STXBP3: variants seen among roughly 807,000 people sequenced by gnomAD.
STXBP3 encodes the protein syntaxin-binding protein 3.
STXBP3 carries 41 observed loss-of-function variants against 85.7 expected under a neutral mutation model. The ratio of observed to expected loss-of-function variants is 0.48; its 90% CI spans 0.37 to 0.62. The LOEUF is 0.62. Ranked by LOEUF, STXBP3 falls within the 20% of genes least tolerant of loss-of-function variation. The probability of loss-of-function intolerance (pLI) is 0.00; values close to 1 mark genes in which losing one functional copy is unlikely to be tolerated. For synonymous variants in STXBP3, 229 were observed against 231.7 expected, an observed-to-expected ratio of 0.99 and a Z score of 0.10; for missense variants, 563 against 703.1, an observed-to-expected ratio of 0.80 and a Z score of 2.25.
At chr1:108,789,114 C>T (rs972709468) in intron 11 of STXBP3, among the ~76,000 whole-genome samples, 2 of 152,068 alleles carry the variant, frequency 1.3e-5, no homozygotes, top group African/African-American at 4.8e-5. Context: ...TTTCAAAGAA[C>T]CAACATTTGT....
intron 17 of STXBP3, among the ~76,000 whole-genome samples, chr1:108,804,056 TTTTA>T (rs1240147678): frequency 5.9e-5 from 9 of 152,344 alleles, no homozygotes; most frequent in African/African-American, 2.2e-4. Flanking sequence ...GAGGATTTAT[TTTTA>T]TTTCTTTCTT....
chr1:108,772,905 T>A lies in STXBP3; in HGVS notation c.593+86T>A, dbSNP rs1264338091. The A allele has an allele frequency of 2.3e-6, 3 of 1,277,346 alleles. No individual in the cohort carries two copies. The African/African-American group carries it at 4.6e-5, about 20-fold the overall frequency. The allele number at this position is 1,277,346 out of a possible 1,614,324, so 79.1% of individuals were successfully genotyped here. On this transcript the variant is annotated intron_variant, in intron 7 of 18. Transcript: ENST00000370008. ...GTAATGTGTCTGTACCTTGGCATGT[T>A]GGTTTGCAAAATTTATTTTCTTTGT... is the stretch of plus-strand genomic sequence containing the variant.
At chr1:108,785,224 G>A (rs548464649) in intron 11 of STXBP3, among the ~76,000 whole-genome samples, 3 of 152,254 alleles carry the variant, frequency 2.0e-5, no homozygotes, top group African/African-American at 7.2e-5. Flanking sequence ...CTCCATGAGG[G>A]CTCCATCCCT....
At chr1:108,754,284 C>T (rs1345996024) in intron 3 of STXBP3, among the ~76,000 whole-genome samples, 1 of 152,118 alleles carries the variant, frequency 6.6e-6, no homozygotes, top group African/African-American at 2.4e-5. Context: ...AATCCACTTG[C>T]CTTGGCCTCC....
In STXBP3 at chr1:108,749,283, G is replaced by C. The variant is rs531920955; in HGVS notation, c.49+2497G>C. On this transcript the variant is annotated intron_variant, in intron 1 of 18. Coordinates refer to ENST00000370008, the MANE Select transcript of STXBP3 (RefSeq NM_007269.4). ...TAATACTTAGAGAAATAAGTCTAGAGTAGTTTTCAGGGTGCTGTAATCTCA... is the reference window on the plus strand; with the variant it reads ...TAATACTTAGAGAAATAAGTCTAGACTAGTTTTCAGGGTGCTGTAATCTCA... 3.3e-5 allele frequency among the ~76,000 whole-genome samples: 5 copies of C among 152,326 alleles called. No individual in the cohort carries two copies. The South Asian group carries it at 1.0e-3, about 32-fold the overall frequency.
intron 6 of STXBP3, among the ~76,000 whole-genome samples, chr1:108,761,296 C>T (rs1461028921): frequency 2.7e-5 from 4 of 150,016 alleles, no homozygotes; most frequent in African/African-American, 9.9e-5. Context: ...CCAAAAGTTT[C>T]CTTTAAACTT....
chr1:108,782,321 G>C, intron 9 of STXBP3, 101 bp from the exon 10 acceptor site: 1 of 895,432 alleles, frequency 1.1e-6, no homozygotes. Flanking sequence ...TTACTTTTCA[G>C]TTTCTTGAGT....
intron 6 of STXBP3, chr1:108,767,500 A>G (rs745683384): frequency 1.4e-4 from 26 of 186,042 alleles, no homozygotes; most frequent in South Asian, 9.0e-4. Context: ...ATTGCCTCCA[A>G]CATGCCTCTC....
intron 17 of STXBP3, among the ~76,000 whole-genome samples, chr1:108,807,058 C>T (rs919234531): frequency 2.0e-5 from 3 of 151,940 alleles, no homozygotes; most frequent in Admixed American, 6.6e-5. Context: ...TCAAGACCAG[C>T]GTGGCCAACA....
chr1:108,798,323 T>TATGTATTGGGC, intron 16 of STXBP3, 86 bp downstream of exon 16: 1 of 1,081,858 alleles, frequency 9.2e-7, no homozygotes, highest in Non-Finnish European at 1.4e-6. Context: ...AGTCTGAGTA[T>TATGTATTGGGC]ATGTATTGGG....
At chr1:108,785,570 T>C (rs1054941318) in intron 11 of STXBP3, among the ~76,000 whole-genome samples, 5 of 152,314 alleles carry the variant, frequency 3.3e-5, no homozygotes, top group African/African-American at 1.2e-4. Flanking sequence ...TTTTCCCCGT[T>C]GTTTTGGTGA....
At chr1:108,796,814 G>C in intron 15 of STXBP3, 88 bp downstream of exon 15, 1 of 823,508 alleles carries the variant, frequency 1.2e-6, no homozygotes, top group East Asian at 3.1e-5. Flanking sequence ...TATGTGGACA[G>C]TCTTCTTAAG....
Position 108,776,379 on chromosome 1 carries a change from A to G in STXBP3, c.640A>G (p.Lys214Glu). Reference protein sequence around the residue: ...ASKLAQLVEKKLEDYYKIDEK... With the variant: ...ASKLAQLVEKELEDYYKIDEK... The stretch of plus-strand genomic sequence containing the variant: ...TAAGCTTGCACAGCTTGTTGAAAAA[A>G]AGCTTGAAGACTACTACAAGATTGA... The change falls in exon 8 of 19, where the codon AAG becomes GAG. Residue 214 changes from lysine to glutamate, a missense_variant. Lys to Glu is a moderately conservative substitution (Grantham distance 56, BLOSUM62 1). Transcript: ENST00000370008. 1.2e-6 allele frequency: 2 copies of G among 1,609,632 alleles called. No homozygotes were observed. Among genetic ancestry groups the G allele is most frequent in the Non-Finnish European group, 1.7e-6 (2 of 1,177,760 alleles).
chr1:108,767,934 G>T (rs1300920174), intron 6 of STXBP3, among the ~76,000 whole-genome samples: 1 of 152,130 alleles, frequency 6.6e-6, no homozygotes, highest in East Asian at 1.9e-4. Context: ...AAGAATGAGA[G>T]AATAATTTTC....
intron 11 of STXBP3, among the ~76,000 whole-genome samples, chr1:108,790,773 TATGTCCTGAATATGTC>T (rs1201948845): frequency 6.6e-5 from 10 of 152,152 alleles, no homozygotes; most frequent in Admixed American, 3.3e-4. Context: ...AGTTTAATAG[TATGTCCTGAATATGTC>T]ATGTCCTGAA....
At chr1:108,800,136 G>A (rs1663200962) in intron 16 of STXBP3, 84 bp from the exon 17 acceptor site, 1 of 905,440 alleles carries the variant, frequency 1.1e-6, no homozygotes, top group Admixed American at 1.8e-5. Flanking sequence ...TTCCTCAATT[G>A]CAAATGCAAG....
chr1:108,746,736 AG>A lies in STXBP3; in HGVS notation c.-1del. 1 of 1,550,054 alleles carries A rather than the reference AG, an allele frequency of 6.5e-7. No homozygotes were observed. The highest frequency in any genetic ancestry group is 2.5e-5 in the East Asian group (1 of 40,760). On this transcript the variant is annotated 5_prime_UTR_variant, in exon 1 of 19. Transcript: ENST00000370008. ...TGGCTGCTGCTCCGCAGTGTCGGGA[AG>A]ATGGCGCCGCCGGTGGCAGAGAGGG...
At position 108,756,783 on chromosome 1, in the gene STXBP3, C is replaced by T. The variant is rs200861224; in HGVS notation, c.258+17C>T. On this transcript the variant is annotated intron_variant, in intron 4 of 18. Coordinates refer to ENST00000370008, the MANE Select transcript of STXBP3 (RefSeq NM_007269.4). ...ACATCAAAGGTGAGTATTTTGAGAC[C>T]TTAAAAAGCAGGTTCATCAATATTT... 1,997 of 1,557,858 alleles carry T rather than the reference C, an allele frequency of 1.3e-3. 13 individuals carry two copies. The highest frequency in any genetic ancestry group is 5.6e-3 in the South Asian group (458 of 82,284).
intron 6 of STXBP3, among the ~76,000 whole-genome samples, chr1:108,771,469 G>GAT (rs1207126816): frequency 5.1e-5 from 4 of 77,838 alleles, no homozygotes; most frequent in African/African-American, 1.2e-4. Flanking sequence ...AAATATATAT[G>GAT]ATATATATCT....
Sources: gnomAD v4.1 joint callset for allele counts (sites outside exome capture counted in the v4.1 genomes callset) on GRCh38, gnomAD v4.1.1 for gene constraint, MANE v1.5 for transcripts, NCBI Gene and HGNC (gene_info 2026-07-23, HGNC 2026-07-21) for gene names.